The following BRAT1 variants were observed in gnomAD, a reference collection of about 807,000 sequenced individuals.
The protein encoded by BRAT1 is BRCA1 associated ATM activator 1.
A neutral mutation model predicts 70.6 loss-of-function variants in BRAT1; 74 were observed. The ratio of observed to expected loss-of-function variants is 1.05; its 90% CI spans 0.87 to 1.27. The LOEUF is 1.27. Ranked by LOEUF, BRAT1 falls within the 50% of genes most tolerant of loss-of-function variation. The probability of loss-of-function intolerance (pLI) is 0.00; values close to 1 mark genes in which losing one functional copy is unlikely to be tolerated. For missense variants in BRAT1, 1,203 were observed against 1,098.2 expected (o/e 1.10, Z -1.35); for synonymous variants, 615 against 517.1 (o/e 1.19, Z -2.57).
intron 6 of BRAT1, 194 bp from the exon 7 acceptor site, chr7:2,542,405 T>G: frequency 1.7e-6 from 1 of 605,116 alleles, no homozygotes; most frequent in Non-Finnish European, 2.9e-6. Context: ...ACCAAGGAGA[T>G]GGGCCTGACA....
Position 2,542,121 on chromosome 7 carries a change from TG to T in BRAT1, c.1013del (p.Pro338GlnfsTer58), listed in dbSNP as rs754341393. On this transcript the variant is annotated frameshift_variant and splice_region_variant, in exon 7 of 14. Coordinates refer to ENST00000340611, the MANE Select transcript of BRAT1 (RefSeq NM_152743.4). LOFTEE classifies it high-confidence loss of function. ...CCCAGCCCTTTCTAAGCAGCACACCTGGGGGTCCGGGGGCCTGAACCGTGGC... is the reference window on the plus strand; with the variant it reads ...CCCAGCCCTTTCTAAGCAGCACACCTGGGGTCCGGGGGCCTGAACCGTGGC... ...LKATVQAPGPPGLLDGTADDA... is the reference protein window; with the variant it reads ...LKATVQAPGPXGLLDGTADDA... 6.5e-7 allele frequency: 1 copy of T among 1,544,406 alleles called. No homozygotes were observed. The highest frequency in any genetic ancestry group is 8.7e-7 in the Non-Finnish European group (1 of 1,145,608).
chr7:2,538,228 A>G lies in BRAT1; in HGVS notation c.2307T>C (p.Pro769=). 1 of 1,609,630 alleles carries G rather than the reference A, an allele frequency of 6.2e-7. No individual in the cohort carries two copies. Among genetic ancestry groups the G allele is most frequent in the Non-Finnish European group, 8.5e-7 (1 of 1,178,338 alleles). ...EQAQPPGDQE[P]EAVLAMLRSL... ...ACCTGAGCATGGCCAGCACAGCCTC[A>G]GGCTCCTGGTCCCCTGGGGGCTGGG... The change falls in exon 14 of 14, where the codon CCT becomes CCC. Residue 769 remains proline (P), a synonymous_variant. Coordinates refer to ENST00000340611, the MANE Select transcript of BRAT1 (RefSeq NM_152743.4).
At chr7:2,548,680 A>AT (rs1554297316) in intron 2 of BRAT1, among the ~76,000 whole-genome samples, 2 of 150,770 alleles carry the variant, frequency 1.3e-5, no homozygotes, top group Non-Finnish European at 3.0e-5. Context: ...AAAAAAAAAA[A>AT]GGCGGGGCGT....
Position 2,537,959 on chromosome 7 carries a change from C to T in BRAT1, c.*110G>A. ...TGCTTCTCTCCTGGTCCTGGCTTCC[C>T]CAGAGGATCCACCGGGCTGGGCTGG... On this transcript the variant is annotated 3_prime_UTR_variant, in exon 14 of 14. Coordinates refer to ENST00000340611, the MANE Select transcript of BRAT1 (RefSeq NM_152743.4). The T allele has an allele frequency of 1.4e-6, 2 of 1,392,700 alleles. No homozygotes were observed. Among genetic ancestry groups the T allele is most frequent in the South Asian group, 1.9e-5 (1 of 53,372 alleles). The allele number at this position is 1,392,700 out of a possible 1,614,324, so 86.3% of individuals were successfully genotyped here. A position where few individuals can be genotyped will look rare whatever the true frequency, so the allele number is the denominator to read the frequency against.
chr7:2,540,178 C>A (rs888246369), intron 10 of BRAT1: 1 of 371,094 alleles, frequency 2.7e-6, no homozygotes, highest in Non-Finnish European at 4.8e-6. Context: ...ATCACCACGC[C>A]TGGCTAATTT....
intron 6 of BRAT1, 159 bp from the exon 7 acceptor site, chr7:2,542,370 C>G (rs992936968): frequency 3.0e-6 from 2 of 662,068 alleles, no homozygotes; most frequent in Admixed American, 2.5e-5. Flanking sequence ...TGCCATGGGA[C>G]AGAGTGGCGG....
Position 2,545,042 on chromosome 7 carries a change from T to A in BRAT1, c.297A>T (p.Leu99=), listed in dbSNP as rs1766310154. ...GTCCTGGCTCCCCAAAGAGCCCTGG[T>A]AGTAACTCCCCCTGCTGGGAAGCAA... The part of the protein sequence containing the change: ...CFQYLQQGEL[L]PGLFGEPGPL... Residue 99 remains leucine, a synonymous_variant, in exon 4 of 14, where the codon CTA becomes CTT. Transcript: ENST00000340611. The A allele has an allele frequency of 6.6e-7, 1 of 1,507,004 alleles. No individual in the cohort carries two copies. The allele number at this position is 1,507,004 out of a possible 1,614,324, so 93.4% of individuals were successfully genotyped here.
chr7:2,542,408 G>A (rs920405884), intron 6 of BRAT1, 197 bp from the exon 7 acceptor site: 4 of 605,278 alleles, frequency 6.6e-6, no homozygotes, highest in Admixed American at 2.9e-5. Flanking sequence ...AAGGAGATGG[G>A]CCTGACACTC....
In BRAT1 at chr7:2,538,507, G is replaced by T; in HGVS notation, c.2028C>A (p.Ala676=). Residue 676 remains alanine (A), a synonymous_variant, in exon 14 of 14, where the codon GCC becomes GCA. Transcript: ENST00000340611. ...CTGGGGCCACCTCGGGTAGGGCCAC[G>T]GCATAGGGGCAGTGGGTACGCGGCG... ...LGPPRTHCPY[A]VALPEVAPAQ... is the part of the protein sequence containing the mutation. 1 of 1,610,386 alleles carries T rather than the reference G, an allele frequency of 6.2e-7. No individual in the cohort carries two copies.
Position 2,543,171 on chromosome 7 carries a change from C to T in BRAT1, c.923+33G>A. 1 of 1,528,688 alleles carries T rather than the reference C, an allele frequency of 6.5e-7. No individual in the cohort carries two copies. The highest frequency in any genetic ancestry group is 1.3e-5 in the South Asian group (1 of 79,868). 94.7% of individuals were successfully genotyped at this position (1,528,688 alleles called of 1,614,324 possible). A position where few individuals can be genotyped will look rare whatever the true frequency, so the allele number is the denominator to read the frequency against. On this transcript the variant is annotated intron_variant, in intron 6 of 13. Coordinates refer to ENST00000340611, the MANE Select transcript of BRAT1 (RefSeq NM_152743.4). The surrounding 1 kb of genome is among the most constrained non-coding windows in gnomAD (Gnocchi z 5.5). ...CCCTGCCTGCCCCAGCTCCCAGCACCCGCCTCGGAATGAAATGCACCCCAG... is the reference window on the plus strand; with the variant it reads ...CCCTGCCTGCCCCAGCTCCCAGCACTCGCCTCGGAATGAAATGCACCCCAG...
At position 2,547,313 on chromosome 7, in the gene BRAT1, C is replaced by T. The variant is rs1266196339; in HGVS notation, c.282+11G>A. The T allele has an allele frequency of 1.9e-6, 3 of 1,613,712 alleles. No homozygotes were observed. Among genetic ancestry groups the T allele is most frequent in the Admixed American group, 1.7e-5 (1 of 59,996 alleles). On this transcript the variant is annotated intron_variant, in intron 3 of 13. Coordinates refer to ENST00000340611, the MANE Select transcript of BRAT1 (RefSeq NM_152743.4). ...TCCACGGGACACTCAGGTGGGAGGC[C>T]CCAGGCTCACCTGAAGATACTGGAA...
Position 2,543,431 on chromosome 7 carries a change from C to A in BRAT1, c.804-108G>T. On this transcript the variant is annotated intron_variant, in intron 5 of 13. Transcript: ENST00000340611. This position sits in a 1 kb window ranked among gnomAD's most constrained non-coding sequence, Gnocchi z 5.5. Reference sequence around the variant, plus strand: ...GGCACTGGAGGCGCCCAGCCCAAGACAGGCCTTTCCCCATGAGGGTTCCAG... The same window carrying A: ...GGCACTGGAGGCGCCCAGCCCAAGAAAGGCCTTTCCCCATGAGGGTTCCAG... 3 of 1,485,950 alleles carry A rather than the reference C, an allele frequency of 2.0e-6. No individual in the cohort carries two copies. Among genetic ancestry groups the A allele is most frequent in the East Asian group, 2.4e-5 (1 of 42,060 alleles). 92.0% of individuals were successfully genotyped at this position (1,485,950 alleles called of 1,614,324 possible).
At chr7:2,542,682 A>G in intron 6 of BRAT1, 1 of 186,978 alleles carries the variant, frequency 5.3e-6, no homozygotes, top group Non-Finnish European at 1.1e-5. Context: ...CGGAGCTCAG[A>G]GCTGGACCCT....
At position 2,543,248 on chromosome 7, in the gene BRAT1, G is replaced by A. The variant is rs1372921286; in HGVS notation, c.879C>T (p.Thr293=). Residue 293 remains threonine, a synonymous_variant, in exon 6 of 14, where the codon ACC becomes ACT. Coordinates refer to ENST00000340611, the MANE Select transcript of BRAT1 (RefSeq NM_152743.4). This position sits in a 1 kb window ranked among gnomAD's most constrained non-coding sequence, Gnocchi z 5.5. ...VARALSCLGP[T]HMGPLALGIL... is the part of the protein sequence containing the mutation. ...TCCCCAAAGCCAGGGGTCCCATGTG[G>A]GTGGGACCCAGGCAGCTCAGAGCCC... The A allele has an allele frequency of 6.2e-7, 1 of 1,611,120 alleles. No homozygotes were observed. Among genetic ancestry groups the A allele is most frequent in the South Asian group, 1.1e-5 (1 of 90,846 alleles).
chr7:2,546,064 G>A (rs886157215), intron 3 of BRAT1, among the ~76,000 whole-genome samples: 3 of 152,224 alleles, frequency 2.0e-5, no homozygotes, highest in Non-Finnish European at 4.4e-5. Flanking sequence ...CACGCATCCC[G>A]ACAGACTCAG....
Position 2,543,863 on chromosome 7 carries a change from C to T in BRAT1, c.530G>A (p.Arg177Gln), listed in dbSNP as rs571634693. 5 of 1,612,818 alleles carry T rather than the reference C, an allele frequency of 3.1e-6. No individual in the cohort carries two copies. The highest frequency in any genetic ancestry group is 3.4e-6 in the Non-Finnish European group (4 of 1,179,926). The stretch of plus-strand genomic sequence containing the variant: ...GCAGGGCTGCCCCTCGGCTCCACCT[C>T]GCATGGACAAAGCCAGGACGTGCAC... ...LLVHVLALSMRGGAEGQPCLP... is the reference protein window; with the variant it reads ...LLVHVLALSMQGGAEGQPCLP... Residue 177 changes from arginine (R) to glutamine (Q), a missense_variant, in exon 5 of 14, where the codon CGA (arginine) becomes CAA (glutamine). Coordinates refer to ENST00000340611, the MANE Select transcript of BRAT1 (RefSeq NM_152743.4). This position sits in a 1 kb window ranked among gnomAD's most constrained non-coding sequence, Gnocchi z 5.5.
At chr7:2,552,554 C>A (rs1375301699) in intron 2 of BRAT1, among the ~76,000 whole-genome samples, 1 of 150,220 alleles carries the variant, frequency 6.7e-6, no homozygotes, top group Non-Finnish European at 1.5e-5. Context: ...GGTGAGACCC[C>A]ATCCTTAAAA....
At position 2,543,559 on chromosome 7, in the gene BRAT1, A is replaced by T. The variant is rs750281203; in HGVS notation, c.803+31T>A. ...ATCCGAGGAAAACAGTTGCCCACCC[A>T]GGCCCCCCAGCTGCGTCCCGGGGCC... On this transcript the variant is annotated intron_variant, in intron 5 of 13. Coordinates refer to ENST00000340611, the MANE Select transcript of BRAT1 (RefSeq NM_152743.4). The surrounding 1 kb of genome is among the most constrained non-coding windows in gnomAD (Gnocchi z 5.5). 1 of 1,501,800 alleles carries T rather than the reference A, an allele frequency of 6.7e-7. No individual in the cohort carries two copies. The highest frequency in any genetic ancestry group is 1.4e-5 in the South Asian group (1 of 73,744). The allele number at this position is 1,501,800 out of a possible 1,614,324, so 93.0% of individuals were successfully genotyped here. A position where few individuals can be genotyped will look rare whatever the true frequency, so the allele number is the denominator to read the frequency against.
chr7:2,552,561 A>G (rs552694609), intron 2 of BRAT1, among the ~76,000 whole-genome samples: 5 of 146,184 alleles, frequency 3.4e-5, no homozygotes. Context: ...CCCCATCCTT[A>G]AAAAAAAAAA....
Sources: gnomAD v4.1 joint callset for allele counts (sites outside exome capture counted in the v4.1 genomes callset) on GRCh38, gnomAD v4.1.1 for gene constraint, Gnocchi (gnomAD v3.1) non-coding constraint, MANE v1.5 for transcripts, NCBI Gene and HGNC (gene_info 2026-07-23, HGNC 2026-07-21) for gene names.